SEMA5B: variants seen among roughly 807,000 people sequenced by gnomAD.
SEMA5B encodes semaphorin-5B.
SEMA5B carries 66 observed loss-of-function variants against 135.0 expected under a neutral mutation model. The ratio of observed to expected loss-of-function variants is 0.49; its 90% confidence interval spans 0.40 to 0.60. SEMA5B has a LOEUF of 0.60. Among genes scored for constraint, SEMA5B ranks in the 20% least tolerant of loss-of-function variants. The probability of loss-of-function intolerance (pLI) is 0.00; values close to 1 mark genes in which losing one functional copy is unlikely to be tolerated. For synonymous variants in SEMA5B, 690 were observed against 639.5 expected, an observed-to-expected ratio of 1.08 and a Z score of -1.19; for missense variants, 1,501 against 1,566.3, an observed-to-expected ratio of 0.96 and a Z score of 0.70.
chr3:122,970,441 C>T (rs1576377858), intron 1 of SEMA5B, among the ~76,000 whole-genome samples: 1 of 152,286 alleles, frequency 6.6e-6, no homozygotes, highest in East Asian at 1.9e-4. Flanking sequence ...CAAGATTTTG[C>T]AATTCTAGCA....
intron 2 of SEMA5B, among the ~76,000 whole-genome samples, chr3:122,952,237 C>G (rs1475315142): frequency 6.6e-6 from 1 of 152,170 alleles, no homozygotes; most frequent in Non-Finnish European, 1.5e-5. Context: ...GGAATTTATC[C>G]TCAGTGCTAG....
At chr3:122,997,518 T>TCCGCCCC (rs1942051047) in intron 1 of SEMA5B, among the ~76,000 whole-genome samples, 1 of 142,782 alleles carries the variant, frequency 7.0e-6, no homozygotes, top group African/African-American at 2.6e-5. Context: ...CCCAGGCCTC[T>TCCGCCCC]CCCCCCCCCG....
intron 2 of SEMA5B, among the ~76,000 whole-genome samples, chr3:122,956,932 G>C (rs892655360): frequency 6.6e-6 from 1 of 152,182 alleles, no homozygotes; most frequent in African/African-American, 2.4e-5. Flanking sequence ...CTCTTGAAGG[G>C]AACAAGGGTG....
chr3:122,933,249 A>G (rs1268071363), intron 5 of SEMA5B, among the ~76,000 whole-genome samples: 1 of 152,002 alleles, frequency 6.6e-6, no homozygotes, highest in Non-Finnish European at 1.5e-5. Context: ...CATCTCCAGT[A>G]TCTTCCTAGG....
chr3:122,922,764 T>G (rs1441814808), intron 10 of SEMA5B, among the ~76,000 whole-genome samples: 1 of 152,058 alleles, frequency 6.6e-6, no homozygotes, highest in East Asian at 1.9e-4. Flanking sequence ...GTCCGGTGAT[T>G]TTTATGCTGT....
chr3:122,943,717 C>T (rs186902476), intron 3 of SEMA5B, among the ~76,000 whole-genome samples, 182 bp from the exon 4 acceptor site: 70 of 152,182 alleles, frequency 4.6e-4, no homozygotes, highest in Non-Finnish European at 6.6e-4. Context: ...GTGTTGTAGT[C>T]ATTCTTCTGC....
chr3:122,910,041 G>A lies in SEMA5B; in HGVS notation c.*102C>T. On this transcript the variant is annotated 3_prime_UTR_variant, in exon 23 of 23. Transcript: ENST00000357599. ...CCCACAGGCAAGGCAGCAAGTTCTTGGCCTAGTGCAGAGGGAGAAAACCAA... is the reference window on the plus strand; with the variant it reads ...CCCACAGGCAAGGCAGCAAGTTCTTAGCCTAGTGCAGAGGGAGAAAACCAA... 1 of 1,250,864 alleles carries A rather than the reference G, an allele frequency of 8.0e-7. No homozygotes were observed. The highest frequency in any genetic ancestry group is 1.1e-6 in the Non-Finnish European group (1 of 903,808). The allele number at this position is 1,250,864 out of a possible 1,614,324, so 77.5% of individuals were successfully genotyped here.
chr3:122,972,439 T>C (rs1453774055), intron 1 of SEMA5B, among the ~76,000 whole-genome samples: 1 of 152,204 alleles, frequency 6.6e-6, no homozygotes, highest in Non-Finnish European at 1.5e-5. Context: ...CATCCAGTTA[T>C]GTGTGTGCAA....
At chr3:123,026,872 G>A (rs1251496428) in intron 1 of SEMA5B, among the ~76,000 whole-genome samples, 1 of 152,244 alleles carries the variant, frequency 6.6e-6, no homozygotes, top group African/African-American at 2.4e-5. Context: ...GAGCCTGGTG[G>A]GCAGAGTTCA....
intron 5 of SEMA5B, among the ~76,000 whole-genome samples, chr3:122,934,784 G>A (rs547204484): frequency 3.3e-5 from 5 of 151,548 alleles, no homozygotes; most frequent in Admixed American, 6.6e-5. Context: ...GGGAGGCTGA[G>A]GCAGCAGGAC....
At chr3:122,976,765 C>T (rs1053163502) in intron 1 of SEMA5B, among the ~76,000 whole-genome samples, 2 of 152,106 alleles carry the variant, frequency 1.3e-5, no homozygotes, top group East Asian at 1.9e-4. Context: ...AAAAGCCCTC[C>T]GGGGCCAGGC....
chr3:122,914,111 C>T (rs1937936451), intron 14 of SEMA5B, 110 bp from the exon 15 acceptor site: 2 of 1,217,356 alleles, frequency 1.6e-6, no homozygotes, highest in Non-Finnish European at 2.2e-6. Flanking sequence ...AAGGGCTGGA[C>T]AGTGACATAG....
At chr3:122,948,441 G>C in intron 3 of SEMA5B, 65 bp downstream of exon 3, 1 of 1,406,928 alleles carries the variant, frequency 7.1e-7, no homozygotes, top group South Asian at 1.4e-5. Context: ...TCCTGCCAAG[G>C]TCTGACCTAA....
chr3:122,966,780 G>A (rs188017430), intron 1 of SEMA5B, among the ~76,000 whole-genome samples: 2,082 of 150,146 alleles, frequency 0.014, 44 homozygotes, highest in African/African-American at 0.048. Flanking sequence ...GGATGGTTTC[G>A]ATCTCCTGAC....
chr3:122,956,689 G>A (rs946104045), intron 2 of SEMA5B, among the ~76,000 whole-genome samples: 1 of 152,114 alleles, frequency 6.6e-6, no homozygotes. Flanking sequence ...TCAGACAGGG[G>A]ATCGCCCAGA....
chr3:122,988,912 C>T (rs1941781140), intron 1 of SEMA5B, among the ~76,000 whole-genome samples: 1 of 152,222 alleles, frequency 6.6e-6, no homozygotes, highest in East Asian at 1.9e-4. Context: ...TGAATGCAGG[C>T]ATGAATGCAG....
chr3:123,007,644 GC>G (rs1454435639), intron 1 of SEMA5B, among the ~76,000 whole-genome samples: 2 of 152,158 alleles, frequency 1.3e-5, no homozygotes, highest in African/African-American at 4.8e-5. Flanking sequence ...ACTTAAGTGA[GC>G]ACATTTGCAT....
At chr3:122,935,442 A>T (rs1939218126) in intron 5 of SEMA5B, among the ~76,000 whole-genome samples, 1 of 152,120 alleles carries the variant, frequency 6.6e-6, no homozygotes, top group African/African-American at 2.4e-5. Context: ...TGATTCCTTT[A>T]TTGGAGGGAG....
At position 122,923,713 on chromosome 3, in the gene SEMA5B, G is replaced by A. The variant is rs763230159; in HGVS notation, c.1176C>T (p.Leu392=). ...CATTGAAAGCCTGGGAGATAGCACTGAGGTTGAAGGCGCAGACAGCAGAAG... is the reference window on the plus strand; with the variant it reads ...CATTGAAAGCCTGGGAGATAGCACTAAGGTTGAAGGCGCAGACAGCAGAAG... ...IAASAVCAFN[L]SAISQAFNGP... The change falls in exon 10 of 23, where the codon CTC becomes CTT. Residue 392 remains leucine, a synonymous_variant. Transcript: ENST00000357599. The A allele has an allele frequency of 1.9e-6, 3 of 1,614,152 alleles. No homozygotes were observed. Among genetic ancestry groups the A allele is most frequent in the Non-Finnish European group, 2.5e-6 (3 of 1,179,998 alleles).
Sources: allele counts gnomAD v4.1 joint callset (sites outside exome capture counted in the v4.1 genomes callset), GRCh38; gene constraint gnomAD v4.1.1; transcripts MANE v1.5; gene names NCBI Gene and HGNC (gene_info 2026-07-23, HGNC 2026-07-21).